The following TSHZ2 variants were observed in gnomAD, a reference collection of about 807,000 sequenced individuals.
TSHZ2 encodes teashirt homolog 2.
TSHZ2 carries 21 observed loss-of-function variants against 74.4 expected under a neutral mutation model. That is an observed-to-expected ratio of 0.28 (90% CI 0.20 to 0.41). The LOEUF (loss-of-function observed/expected upper bound fraction) is 0.41, where lower values mean the gene tolerates loss of function less well. Ranked by LOEUF, TSHZ2 falls within the 10% of genes least tolerant of loss-of-function variation. The pLI, the probability that TSHZ2 is intolerant of heterozygous loss-of-function variation, is 1.00. For synonymous variants in TSHZ2, 540 were observed against 515.3 expected (o/e 1.05, Z -0.65); for missense variants, 1,244 against 1,293.5 (o/e 0.96, Z 0.59).
chr20:53,183,552 G>A (rs564004895), intron 1 of TSHZ2, among the ~76,000 whole-genome samples: 36 of 152,074 alleles, frequency 2.4e-4, no homozygotes, highest in Non-Finnish European at 4.4e-5. Flanking sequence ...AGGATTCAAG[G>A]CTCAGCTGTG....
chr20:53,282,538 A>G (rs147591474), intron 2 of TSHZ2, among the ~76,000 whole-genome samples: 231 of 152,336 alleles, frequency 1.5e-3, no homozygotes, highest in African/African-American at 5.0e-3. Context: ...GTTCAGGTAT[A>G]AGCCCCTCAA....
At chr20:53,182,789 C>T (rs1349844720) in intron 1 of TSHZ2, among the ~76,000 whole-genome samples, 3 of 152,154 alleles carry the variant, frequency 2.0e-5, no homozygotes, top group Admixed American at 6.5e-5. Context: ...TTCATTCTCT[C>T]TCTGTGTGTC....
At chr20:53,411,738 A>G (rs554230075) in intron 2 of TSHZ2, among the ~76,000 whole-genome samples, 5 of 152,120 alleles carry the variant, frequency 3.3e-5, no homozygotes, top group Non-Finnish European at 7.4e-5. Flanking sequence ...CTGAGGCAAG[A>G]GGATATCTTC....
At chr20:53,217,116 C>A (rs998949961) in intron 1 of TSHZ2, among the ~76,000 whole-genome samples, 1 of 152,192 alleles carries the variant, frequency 6.6e-6, no homozygotes, top group South Asian at 2.1e-4. Context: ...GCGGCTGTAT[C>A]GATGGATGAG....
intron 2 of TSHZ2, among the ~76,000 whole-genome samples, chr20:53,432,257 A>G (rs6022460): frequency 0.048 from 7,276 of 152,284 alleles, 351 homozygotes; most frequent in African/African-American, 0.13. Flanking sequence ...TACTTTACTT[A>G]GAATAATGGC....
intron 1 of TSHZ2, among the ~76,000 whole-genome samples, chr20:53,150,429 A>G (rs1239275173): frequency 1.3e-5 from 2 of 152,224 alleles, no homozygotes; most frequent in Non-Finnish European, 2.9e-5. Flanking sequence ...ATAGCTGGCA[A>G]ACTAGAAAGA....
At chr20:53,472,798 G>C (rs552358634) in intron 2 of TSHZ2, among the ~76,000 whole-genome samples, 1 of 151,348 alleles carries the variant, frequency 6.6e-6, no homozygotes, top group Non-Finnish European at 1.5e-5. Context: ...CAGTGGGTGC[G>C]CGCACCGTGC....
intron 2 of TSHZ2, among the ~76,000 whole-genome samples, chr20:53,261,226 G>A (rs1413082611): frequency 6.6e-6 from 1 of 152,182 alleles, no homozygotes; most frequent in Non-Finnish European, 1.5e-5. Context: ...GAGCTGAGAG[G>A]AGAAAGGACA....
intron 1 of TSHZ2, among the ~76,000 whole-genome samples, chr20:53,160,745 CA>C (rs10653039): frequency 0.055 from 5,264 of 95,808 alleles, 421 homozygotes; most frequent in African/African-American, 0.2. Context: ...ACTCTGTCTC[CA>C]AAAAAAAAAA....
chr20:53,355,201 A>G (rs555530793), intron 2 of TSHZ2, among the ~76,000 whole-genome samples: 2 of 152,348 alleles, frequency 1.3e-5, no homozygotes, highest in African/African-American at 4.8e-5. Context: ...AAAAATAACT[A>G]CAAATGATAA....
intron 1 of TSHZ2, among the ~76,000 whole-genome samples, chr20:53,203,277 G>A (rs982793989): frequency 1.1e-4 from 16 of 148,740 alleles, no homozygotes; most frequent in Admixed American, 2.7e-4. Context: ...TCACTGCAAC[G>A]TCTGCCTCCT....
At chr20:53,010,874 G>T (rs117715335) in intron 1 of TSHZ2, among the ~76,000 whole-genome samples, 2,331 of 152,180 alleles carry the variant, frequency 0.015, 30 homozygotes, top group Non-Finnish European at 0.023. Context: ...GCTGAAACTA[G>T]AATTATTTTT....
At position 53,382,316 on chromosome 20, in the gene TSHZ2, C is replaced by T. The variant is rs570395118; in HGVS notation, c.*9-104828C>T. 1.4e-4 allele frequency among the ~76,000 whole-genome samples: 21 copies of T among 152,292 alleles called. No homozygotes were observed. The South Asian group carries it at 3.9e-3, about 29-fold the overall frequency. On this transcript the variant is annotated intron_variant, in intron 2 of 2. Coordinates refer to ENST00000371497, the MANE Select transcript of TSHZ2 (RefSeq NM_173485.6). ...CAGGCTGGCTCAGGAAATGTTCCTC[C>T]GAATCTGTTGTGATTTGGCCATGCC...
At chr20:53,107,596 A>G (rs927361679) in intron 1 of TSHZ2, among the ~76,000 whole-genome samples, 1 of 152,206 alleles carries the variant, frequency 6.6e-6, no homozygotes, top group African/African-American at 2.4e-5. Flanking sequence ...ATCTAGGACA[A>G]GGGTCCAGAG....
chr20:53,411,240 C>A (rs6126829), intron 2 of TSHZ2, among the ~76,000 whole-genome samples: 1 of 152,184 alleles, frequency 6.6e-6, no homozygotes, highest in Non-Finnish European at 1.5e-5. Flanking sequence ...CTCAACCTTC[C>A]TGACATGATG....
chr20:53,150,883 C>A (rs114168444), intron 1 of TSHZ2, among the ~76,000 whole-genome samples: 5 of 152,170 alleles, frequency 3.3e-5, no homozygotes, highest in African/African-American at 1.2e-4. Context: ...GGTATACTTA[C>A]GTGGGAAGGC....
At chr20:53,311,845 G>A (rs1045187563) in intron 2 of TSHZ2, among the ~76,000 whole-genome samples, 3 of 152,200 alleles carry the variant, frequency 2.0e-5, no homozygotes, top group African/African-American at 7.2e-5. Flanking sequence ...ACTTTGGGAG[G>A]CGGAGGTGGG....
At chr20:53,324,041 G>C (rs1048074344) in intron 2 of TSHZ2, among the ~76,000 whole-genome samples, 15 of 152,114 alleles carry the variant, frequency 9.9e-5, no homozygotes, top group African/African-American at 3.6e-4. Context: ...GAGCTGCAGG[G>C]GAACTTCCCA....
intron 1 of TSHZ2, among the ~76,000 whole-genome samples, chr20:53,140,269 G>A (rs1184563718): frequency 1.3e-5 from 2 of 152,026 alleles, no homozygotes; most frequent in East Asian, 1.9e-4. Flanking sequence ...GGCCAGGCAC[G>A]GTGGCTCGCG....
Sources: allele counts gnomAD v4.1 joint callset (sites outside exome capture counted in the v4.1 genomes callset), GRCh38; gene constraint gnomAD v4.1.1; transcripts MANE v1.5; gene names NCBI Gene and HGNC (gene_info 2026-07-23, HGNC 2026-07-21).